KCNIP4: variants seen among roughly 807,000 people sequenced by gnomAD.
The protein encoded by KCNIP4 is potassium voltage-gated channel interacting protein 4, also known as Kv channel-interacting protein 4.
A neutral mutation model predicts 34.0 loss-of-function variants in KCNIP4; 12 were observed. The observed-to-expected ratio is 0.35, with a 90% CI of 0.23 to 0.57. The LOEUF is 0.57. Ranked by LOEUF, KCNIP4 falls within the 20% of genes least tolerant of loss-of-function variation. KCNIP4 has a pLI of 0.83. For missense variants in KCNIP4, 238 were observed against 311.7 expected (o/e 0.76, Z 1.78); for synonymous variants, 124 against 102.2 (o/e 1.21, Z -1.29).
chr4:21,360,952 C>T (rs1362012235), intron 1 of KCNIP4, among the ~76,000 whole-genome samples: 6 of 152,036 alleles, frequency 3.9e-5, no homozygotes, highest in South Asian at 2.1e-4. Context: ...AATCAGCATC[C>T]GCTGCTACAC....
chr4:20,780,663 C>G (rs780731763), intron 3 of KCNIP4, among the ~76,000 whole-genome samples: 2 of 152,158 alleles, frequency 1.3e-5, no homozygotes, highest in Non-Finnish European at 2.9e-5. Context: ...GAACAGTTCT[C>G]CATCCCCCAG....
At chr4:21,922,069 T>C (rs911810232) in intron 1 of KCNIP4, among the ~76,000 whole-genome samples, 2 of 152,168 alleles carry the variant, frequency 1.3e-5, no homozygotes, top group African/African-American at 2.4e-5. Flanking sequence ...CCTCATATAA[T>C]CCCAGTTTAT....
At chr4:21,615,268 C>T (rs1304984859) in intron 1 of KCNIP4, among the ~76,000 whole-genome samples, 6 of 152,048 alleles carry the variant, frequency 3.9e-5, no homozygotes, top group East Asian at 1.9e-4. Flanking sequence ...GGGCCGGGCG[C>T]GGTGGCTCAC....
chr4:21,833,987 T>C (rs1181998253), intron 1 of KCNIP4, among the ~76,000 whole-genome samples: 147 of 152,098 alleles, frequency 9.7e-4, no homozygotes, highest in Non-Finnish European at 2.4e-4. Context: ...CTGTTTTGGT[T>C]ACTGTAGCCT....
At chr4:21,330,671 A>G (rs1224625563) in intron 1 of KCNIP4, among the ~76,000 whole-genome samples, 1 of 152,192 alleles carries the variant, frequency 6.6e-6, no homozygotes, top group Non-Finnish European at 1.5e-5. Context: ...TTTCAACAAA[A>G]AAGTGATGTC....
chr4:21,311,641 A>G (rs1216040144), intron 1 of KCNIP4, among the ~76,000 whole-genome samples: 1 of 143,028 alleles, frequency 7.0e-6, no homozygotes, highest in African/African-American at 2.9e-5. Context: ...GTGAGCCGAG[A>G]TCATGCCACT....
chr4:21,316,759 G>A (rs576780302), intron 1 of KCNIP4, among the ~76,000 whole-genome samples: 2 of 152,256 alleles, frequency 1.3e-5, no homozygotes, highest in South Asian at 2.1e-4. Flanking sequence ...GGACAATCCA[G>A]CAAATCACCA....
intron 3 of KCNIP4, among the ~76,000 whole-genome samples, chr4:20,777,306 G>C (rs1279658615): frequency 6.6e-6 from 1 of 152,070 alleles, no homozygotes; most frequent in African/African-American, 2.4e-5. Flanking sequence ...AATAGCATGG[G>C]GGCAACTGCC....
At chr4:21,873,772 G>A (rs933793809) in intron 1 of KCNIP4, among the ~76,000 whole-genome samples, 3 of 152,204 alleles carry the variant, frequency 2.0e-5, no homozygotes, top group Admixed American at 6.5e-5. Flanking sequence ...CAGATCAATA[G>A]GAAGTTTCAA....
At chr4:21,471,803 T>C (rs939312728) in intron 1 of KCNIP4, among the ~76,000 whole-genome samples, 2 of 152,188 alleles carry the variant, frequency 1.3e-5, no homozygotes, top group African/African-American at 4.8e-5. Context: ...GATTTTAAAT[T>C]CAAATGAGAG....
chr4:21,150,653 G>C (rs1282475596), intron 1 of KCNIP4, among the ~76,000 whole-genome samples: 1 of 152,204 alleles, frequency 6.6e-6, no homozygotes, highest in African/African-American at 2.4e-5. Flanking sequence ...CCATTTGTGA[G>C]TATAAAATTG....
chr4:21,900,941 T>A (rs1320604177), intron 1 of KCNIP4, among the ~76,000 whole-genome samples: 1 of 152,216 alleles, frequency 6.6e-6, no homozygotes, highest in Non-Finnish European at 1.5e-5. Flanking sequence ...GCAGGCTACT[T>A]CTGCTCTTCT....
chr4:20,942,129 T>C (rs1731701586), intron 1 of KCNIP4, among the ~76,000 whole-genome samples: 1 of 152,226 alleles, frequency 6.6e-6, no homozygotes, highest in Non-Finnish European at 1.5e-5. Flanking sequence ...GTTATTTTCC[T>C]GACCACCCAG....
chr4:20,834,858 A>T (rs1718853457), intron 3 of KCNIP4, among the ~76,000 whole-genome samples: 1 of 152,182 alleles, frequency 6.6e-6, no homozygotes, highest in African/African-American at 2.4e-5. Flanking sequence ...GAGTTGCGCC[A>T]TAGAGAATGA....
intron 1 of KCNIP4, among the ~76,000 whole-genome samples, chr4:21,886,268 G>T (rs1726758603): frequency 6.6e-6 from 1 of 151,994 alleles, no homozygotes; most frequent in Non-Finnish European, 1.5e-5. Flanking sequence ...ATTCATTGAG[G>T]GTGAAATTAA....
intron 1 of KCNIP4, among the ~76,000 whole-genome samples, chr4:21,521,084 C>A (rs1388733729): frequency 6.6e-6 from 1 of 152,142 alleles, no homozygotes. Flanking sequence ...CCTTTAATTA[C>A]CATCTACAAC....
chr4:21,007,133 A>C (rs1738639831), intron 1 of KCNIP4, among the ~76,000 whole-genome samples: 1 of 152,226 alleles, frequency 6.6e-6, no homozygotes, highest in South Asian at 2.1e-4. Flanking sequence ...TGAATAATTA[A>C]AATCAGCAGG....
At chr4:21,173,392 G>T (rs1036337611) in intron 1 of KCNIP4, among the ~76,000 whole-genome samples, 1 of 152,092 alleles carries the variant, frequency 6.6e-6, no homozygotes, top group Admixed American at 6.6e-5. Context: ...AGCATATAGA[G>T]GCAGACCTGT....
intron 1 of KCNIP4, among the ~76,000 whole-genome samples, chr4:21,386,584 T>A (rs958545323): frequency 2.0e-5 from 3 of 152,216 alleles, no homozygotes; most frequent in Non-Finnish European, 4.4e-5. Context: ...GTCACACATG[T>A]GTTTGGCAAC....
Sources: gnomAD v4.1 joint callset for allele counts (sites outside exome capture counted in the v4.1 genomes callset) on GRCh38, gnomAD v4.1.1 for gene constraint, MANE v1.5 for transcripts, NCBI Gene and HGNC (gene_info 2026-07-23, HGNC 2026-07-21) for gene names.